The following LRP1B variants were observed in gnomAD, a reference collection of about 807,000 sequenced individuals.
The protein encoded by LRP1B is LDL receptor related protein 1B.
A neutral mutation model predicts 556.6 loss-of-function variants in LRP1B; 217 were observed. The ratio of observed to expected loss-of-function variants is 0.39; its 90% confidence interval spans 0.35 to 0.44. LRP1B has a LOEUF of 0.44. Among genes scored for constraint, LRP1B ranks in the 20% least tolerant of loss-of-function variants. The pLI is 1.00. For synonymous variants in LRP1B, 2,047 were observed against 1,865.8 expected (o/e 1.10, Z -2.50); for missense variants, 5,053 against 5,620.8 (o/e 0.90, Z 3.23).
At chr2:141,984,136 G>T (rs1407781065) in intron 1 of LRP1B, among the ~76,000 whole-genome samples, 1 of 151,384 alleles carries the variant, frequency 6.6e-6, no homozygotes, top group African/African-American at 2.4e-5. Flanking sequence ...GACAAAGAGA[G>T]GCTTGCTGAA....
chr2:140,431,634 C>T (rs1294892455), intron 66 of LRP1B, among the ~76,000 whole-genome samples: 6 of 152,168 alleles, frequency 3.9e-5, no homozygotes, highest in African/African-American at 1.4e-4. Flanking sequence ...TCTCCTTAGG[C>T]ACTCTCTAAT....
At chr2:141,677,278 T>A (rs1032130460) in intron 2 of LRP1B, among the ~76,000 whole-genome samples, 3 of 151,928 alleles carry the variant, frequency 2.0e-5, no homozygotes, top group Admixed American at 1.3e-4. Flanking sequence ...CCCAGGGTGG[T>A]TAGAGAAATG....
chr2:140,917,466 A>T (rs553320502), intron 21 of LRP1B, among the ~76,000 whole-genome samples: 50 of 152,288 alleles, frequency 3.3e-4, no homozygotes, highest in African/African-American at 1.2e-3. Flanking sequence ...TCAGTGGGTA[A>T]ACAGATTAAA....
At chr2:141,520,337 G>A (rs112530610) in intron 2 of LRP1B, among the ~76,000 whole-genome samples, 13 of 152,254 alleles carry the variant, frequency 8.5e-5, no homozygotes, top group South Asian at 4.1e-4. Context: ...AAAACCAGTC[G>A]TAATTGCCAT....
At chr2:140,477,449 G>C (rs1688020344) in intron 59 of LRP1B, among the ~76,000 whole-genome samples, 2 of 152,052 alleles carry the variant, frequency 1.3e-5, no homozygotes. Context: ...TTTAATCAGA[G>C]AGTGCCATCA....
chr2:141,374,157 G>C (rs1689342516), intron 3 of LRP1B, among the ~76,000 whole-genome samples: 1 of 151,994 alleles, frequency 6.6e-6, no homozygotes, highest in Admixed American at 6.6e-5. Context: ...GAAAAACACT[G>C]TATTTCCTTT....
At chr2:141,183,670 C>T (rs1047041124) in intron 7 of LRP1B, among the ~76,000 whole-genome samples, 2 of 151,994 alleles carry the variant, frequency 1.3e-5, no homozygotes, top group African/African-American at 4.8e-5. Flanking sequence ...TCATCCCACA[C>T]AGAAATAAGG....
intron 17 of LRP1B, 24 bp downstream of exon 17, chr2:140,989,508 G>A (rs751525541): frequency 4.5e-5 from 73 of 1,611,166 alleles, no homozygotes; most frequent in Middle Eastern, 1.6e-4. Flanking sequence ...GGAGATTTAC[G>A]TGTATATCCA....
In LRP1B at chr2:141,578,396, CA is replaced by C. The variant is rs554339088; in HGVS notation, c.206-97864del. ...TGGGTGACAGGGCGAGAGTCCTTCT[CA>C]AAAAAAAAAAAAAAGAAAAAAAGAA... is the stretch of plus-strand genomic sequence containing the variant. On this transcript the variant is annotated intron_variant, in intron 2 of 90. Transcript: ENST00000389484. Among the ~76,000 whole-genome samples the C allele has an allele frequency of 2.6e-3, 190 of 73,104 alleles. No individual in the cohort carries two copies. In the Middle Eastern group the frequency reaches 0.036, roughly 14 times the overall value. 48.0% of individuals were successfully genotyped at this position (73,104 alleles called of 152,430 possible).
chr2:140,689,516 G>T (rs2105395314), intron 41 of LRP1B, among the ~76,000 whole-genome samples: 1 of 152,286 alleles, frequency 6.6e-6, no homozygotes, highest in East Asian at 1.9e-4. Context: ...ATTAACTTGG[G>T]TGAAGTTTTT....
At chr2:141,646,976 C>G (rs1689589503) in intron 2 of LRP1B, among the ~76,000 whole-genome samples, 1 of 152,090 alleles carries the variant, frequency 6.6e-6, no homozygotes, top group African/African-American at 2.4e-5. Flanking sequence ...TTTAATATAG[C>G]TGTTTCTTCT....
At chr2:141,725,713 C>T (rs1342890610) in intron 2 of LRP1B, among the ~76,000 whole-genome samples, 3 of 151,560 alleles carry the variant, frequency 2.0e-5, no homozygotes, top group Non-Finnish European at 4.4e-5. Flanking sequence ...TCTTTGAAAT[C>T]GTTATTTTAC....
chr2:141,583,795 C>T (rs115676372), intron 2 of LRP1B, among the ~76,000 whole-genome samples: 9 of 151,776 alleles, frequency 5.9e-5, no homozygotes, highest in South Asian at 2.1e-4. Flanking sequence ...GCTGGAGTGC[C>T]GTGGCACTAT....
chr2:141,668,015 A>T (rs184011932), intron 2 of LRP1B, among the ~76,000 whole-genome samples: 109 of 152,336 alleles, frequency 7.2e-4, no homozygotes, highest in African/African-American at 2.5e-3. Flanking sequence ...GTGTATGTCA[A>T]GTCCCTAGTA....
chr2:142,126,833 T>C (rs1197957162), intron 1 of LRP1B, among the ~76,000 whole-genome samples: 1 of 151,860 alleles, frequency 6.6e-6, no homozygotes, highest in Middle Eastern at 3.2e-3. Flanking sequence ...TCATAATCCT[T>C]GTAGAAGACC....
intron 49 of LRP1B, among the ~76,000 whole-genome samples, chr2:140,524,134 AAAC>A (rs1317838825): frequency 2.6e-5 from 4 of 151,642 alleles, no homozygotes; most frequent in African/African-American, 2.4e-5. Flanking sequence ...GAAATAAAAA[AAAC>A]AAATAACCCC....
At chr2:141,983,432 A>G (rs938793757) in intron 1 of LRP1B, among the ~76,000 whole-genome samples, 2 of 152,140 alleles carry the variant, frequency 1.3e-5, no homozygotes, top group African/African-American at 4.8e-5. Context: ...GGCAGACAAC[A>G]CAATTGATTA....
At chr2:140,430,579 T>C (rs1158059128) in intron 66 of LRP1B, among the ~76,000 whole-genome samples, 1 of 152,154 alleles carries the variant, frequency 6.6e-6, no homozygotes, top group Non-Finnish European at 1.5e-5. Context: ...TTTTTCTCCT[T>C]CACATCGGTC....
At chr2:141,938,900 T>A (rs1394192260) in intron 1 of LRP1B, among the ~76,000 whole-genome samples, 3 of 151,988 alleles carry the variant, frequency 2.0e-5, no homozygotes, top group African/African-American at 7.2e-5. Context: ...CAGACCCAGA[T>A]AGAAAAATAC....
Sources: gnomAD v4.1 joint callset for allele counts (sites outside exome capture counted in the v4.1 genomes callset) on GRCh38, gnomAD v4.1.1 for gene constraint, MANE v1.5 for transcripts, NCBI Gene and HGNC (gene_info 2026-07-23, HGNC 2026-07-21) for gene names.